Variants in FRS2 observed in about 807,000 individuals in gnomAD.
The protein encoded by FRS2 is FGFR signalling adaptor.
A neutral mutation model predicts 43.9 loss-of-function variants in FRS2; 8 were observed. That is an observed-to-expected ratio of 0.18 (90% confidence interval 0.11 to 0.33). FRS2 has a LOEUF of 0.33. Ranked by LOEUF, FRS2 falls within the 10% of genes least tolerant of loss-of-function variation. The pLI is 1.00. For synonymous variants in FRS2, 219 were observed against 220.3 expected (o/e 0.99, Z 0.05); for missense variants, 534 against 627.6 (o/e 0.85, Z 1.59).
At chr12:69,518,473 C>T (rs893596620) in intron 1 of FRS2, among the ~76,000 whole-genome samples, 1 of 151,842 alleles carries the variant, frequency 6.6e-6, no homozygotes, top group Non-Finnish European at 1.5e-5. Flanking sequence ...TTTGGGAGGC[C>T]GAGGTGGCAG....
intron 1 of FRS2, among the ~76,000 whole-genome samples, chr12:69,512,556 C>T (rs1343310988): frequency 6.6e-6 from 1 of 152,014 alleles, no homozygotes; most frequent in Non-Finnish European, 1.5e-5. Flanking sequence ...TGGATTGTGA[C>T]CAGAAAAGAA....
At chr12:69,513,358 A>T (rs373138392) in intron 1 of FRS2, among the ~76,000 whole-genome samples, 3 of 152,190 alleles carry the variant, frequency 2.0e-5, no homozygotes, top group African/African-American at 7.2e-5. Flanking sequence ...ATTAAAACAT[A>T]GTTTCAACCC....
At chr12:69,511,784 G>GCA (rs893115098) in intron 1 of FRS2, among the ~76,000 whole-genome samples, 3 of 152,246 alleles carry the variant, frequency 2.0e-5, no homozygotes. Flanking sequence ...TATAAAATGG[G>GCA]CACAGTGTTA....
In FRS2 at chr12:69,521,746, C is replaced by G. The variant is rs1189356382; in HGVS notation, c.-260-9119C>G. Among the ~76,000 whole-genome samples, 4 of 152,138 alleles carry G rather than the reference C, an allele frequency of 2.6e-5. No individual in the cohort carries two copies. In the East Asian group the frequency reaches 7.7e-4, roughly 29 times the overall value. On this transcript the variant is annotated intron_variant, in intron 1 of 8. Transcript: ENST00000549921. Reference sequence around the variant, plus strand: ...TCTCCTGCCTCAGCCTCCCAAGTAGCTGGGACTACAGGTGCCCGCCACCGC... The same window carrying G: ...TCTCCTGCCTCAGCCTCCCAAGTAGGTGGGACTACAGGTGCCCGCCACCGC...
chr12:69,473,979 A>G (rs1870537617), intron 1 of FRS2, among the ~76,000 whole-genome samples: 1 of 152,220 alleles, frequency 6.6e-6, no homozygotes, highest in Middle Eastern at 3.4e-3. Context: ...AATAGCTGGG[A>G]CTACAGGTGC....
intron 1 of FRS2, among the ~76,000 whole-genome samples, chr12:69,517,420 A>G (rs1241090463): frequency 6.6e-6 from 1 of 152,004 alleles, no homozygotes; most frequent in African/African-American, 2.4e-5. Context: ...AATTCGAAAC[A>G]CTTCTGGTTT....
In FRS2 at chr12:69,572,145, C is replaced by T. The variant is rs1880817536; in HGVS notation, c.440C>T (p.Pro147Leu). ...TTPGFAAQNL[P>L]NGYPRYPSFG... ...CCAGGATTTGCTGCTCAGAACTTAC[C>T]TAATGGATATCCCCGATATCCCTCA... Residue 147 changes from proline (P) to leucine (L), a missense_variant, in exon 8 of 9, where the codon CCT becomes CTT. Transcript: ENST00000549921. 1 of 1,613,618 alleles carries T rather than the reference C, an allele frequency of 6.2e-7. No individual in the cohort carries two copies. Among genetic ancestry groups the T allele is most frequent in the South Asian group, 1.1e-5 (1 of 91,050 alleles).
At chr12:69,476,126 A>G (rs221076) in intron 1 of FRS2, among the ~76,000 whole-genome samples, 19,605 of 152,156 alleles carry the variant, frequency 0.13, 1,335 homozygotes, top group African/African-American at 0.15. Flanking sequence ...GAGACTATTC[A>G]TCCACATATT....
At position 69,494,078 on chromosome 12, in the gene FRS2, T is replaced by C. The variant is rs1764661645; in HGVS notation, c.-261+23548T>C. 2.0e-5 allele frequency among the ~76,000 whole-genome samples: 3 copies of C among 152,240 alleles called. No homozygotes were observed. The South Asian group carries it at 6.2e-4, about 31-fold the overall frequency. On this transcript the variant is annotated intron_variant, in intron 1 of 8. Coordinates refer to ENST00000549921, the MANE Select transcript of FRS2 (RefSeq NM_001278356.2). ...TTTCCAGGGCAAGAATTATGTTTTC[T>C]TATATTTGGCAATTTTGCACAATGC...
Position 69,554,061 on chromosome 12 carries a change from C to T in FRS2, c.-121-8119C>T, listed in dbSNP as rs1347732729. ...CCAGCATTTACTCATTAGAGTTTCCCTACTTAAATGCTCCTGGCAGTTTCC... is the reference window on the plus strand; with the variant it reads ...CCAGCATTTACTCATTAGAGTTTCCTTACTTAAATGCTCCTGGCAGTTTCC... On this transcript the variant is annotated intron_variant, in intron 3 of 8. Coordinates refer to ENST00000549921, the MANE Select transcript of FRS2 (RefSeq NM_001278356.2). 4.6e-5 allele frequency among the ~76,000 whole-genome samples: 7 copies of T among 152,176 alleles called. No homozygotes were observed. In the East Asian group the frequency reaches 1.2e-3, roughly 25 times the overall value.
chr12:69,559,639 A>C (rs191524236), intron 3 of FRS2, among the ~76,000 whole-genome samples: 2 of 152,314 alleles, frequency 1.3e-5, no homozygotes, highest in East Asian at 3.9e-4. Context: ...ATTTAAGGCA[A>C]CTAGCAGACT....
intron 1 of FRS2, among the ~76,000 whole-genome samples, chr12:69,477,996 C>T (rs1477698760): frequency 6.6e-6 from 1 of 151,968 alleles, no homozygotes; most frequent in Non-Finnish European, 1.5e-5. Flanking sequence ...CCACCTCGGC[C>T]TCCCAAAGTG....
intron 3 of FRS2, among the ~76,000 whole-genome samples, chr12:69,543,644 C>T (rs933768668): frequency 6.6e-6 from 1 of 152,050 alleles, no homozygotes; most frequent in African/African-American, 2.4e-5. Context: ...GTAGTGTGCT[C>T]AGGAAAATTC....
At chr12:69,527,338 T>TA (rs1037433159) in intron 1 of FRS2, among the ~76,000 whole-genome samples, 1 of 109,878 alleles carries the variant, frequency 9.1e-6, no homozygotes, top group African/African-American at 3.7e-5. Flanking sequence ...TTTTTTTTTT[T>TA]AATGATTTTT....
chr12:69,534,618 G>T (rs1325774587), intron 3 of FRS2, among the ~76,000 whole-genome samples: 1 of 152,178 alleles, frequency 6.6e-6, no homozygotes, highest in Non-Finnish European at 1.5e-5. Context: ...AGCTGAGAGG[G>T]CAAGTTCTCG....
chr12:69,567,361 T>C (rs1880391837), intron 4 of FRS2, among the ~76,000 whole-genome samples: 1 of 152,336 alleles, frequency 6.6e-6, no homozygotes, highest in South Asian at 2.1e-4. Context: ...TAGTACACTT[T>C]TTCATTTTCT....
At chr12:69,518,996 C>CAAAAA (rs35495239) in intron 1 of FRS2, among the ~76,000 whole-genome samples, 1 of 98,564 alleles carries the variant, frequency 1.0e-5, no homozygotes, top group Non-Finnish European at 2.0e-5. Context: ...AACTCCGTCT[C>CAAAAA]AAAAAAAAAA....
At position 69,470,432 on chromosome 12, in the gene FRS2, A is replaced by T; in HGVS notation, c.-359A>T. ...AGGCCTTGTAGGCACAGCGGCTGAG[A>T]CTCGATCTGCTCCAAGTAGGGGCTC... On this transcript the variant is annotated 5_prime_UTR_variant, in exon 1 of 9. Coordinates refer to ENST00000549921, the MANE Select transcript of FRS2 (RefSeq NM_001278356.2). 2.5e-6 allele frequency: 1 copy of T among 398,474 alleles called. No individual in the cohort carries two copies. The highest frequency in any genetic ancestry group is 4.4e-6 in the Non-Finnish European group (1 of 226,024). The allele number at this position is 398,474 out of a possible 1,614,324, so 24.7% of individuals were successfully genotyped here. A position where few individuals can be genotyped will look rare whatever the true frequency, so the allele number is the denominator to read the frequency against.
At chr12:69,471,197 G>A (rs938123695) in intron 1 of FRS2, among the ~76,000 whole-genome samples, 5 of 151,606 alleles carry the variant, frequency 3.3e-5, no homozygotes, top group Non-Finnish European at 5.9e-5. Flanking sequence ...TAAACTTAAA[G>A]AAAAAACTTG....
Sources: allele counts gnomAD v4.1 joint callset (sites outside exome capture counted in the v4.1 genomes callset), GRCh38; gene constraint gnomAD v4.1.1; transcripts MANE v1.5; gene names NCBI Gene and HGNC (gene_info 2026-07-23, HGNC 2026-07-21).